Variants in PTPRT observed in about 807,000 individuals in gnomAD.
PTPRT encodes receptor-type tyrosine-protein phosphatase T.
PTPRT carries 56 observed loss-of-function variants against 176.8 expected under a neutral mutation model. The ratio of observed to expected loss-of-function variants is 0.32; its 90% CI spans 0.26 to 0.40. PTPRT has a LOEUF of 0.40. Among genes scored for constraint, PTPRT ranks in the 10% least tolerant of loss-of-function variants. The pLI is 1.00. For missense variants in PTPRT, 1,540 were observed against 1,908.2 expected, an observed-to-expected ratio of 0.81 and a Z score of 3.60; for synonymous variants, 783 against 739.0, an observed-to-expected ratio of 1.06 and a Z score of -0.96.
In PTPRT at chr20:42,508,926, TAATATAATTTATA is replaced by T. The variant is rs1345923724; in HGVS notation, c.1154-36377_1154-36365del. 2.8e-5 allele frequency among the ~76,000 whole-genome samples: 4 copies of T among 144,564 alleles called. No homozygotes were observed. In the East Asian group the frequency reaches 6.0e-4, roughly 22 times the overall value. 94.8% of individuals were successfully genotyped at this position (144,564 alleles called of 152,430 possible). ...AAATAATATAATTTATAAATATAAA[TAATATAATTTATA>T]AATATAATTTATATTTAATTTATAG... is the stretch of plus-strand genomic sequence containing the variant. On this transcript the variant is annotated intron_variant, in intron 7 of 30. Coordinates refer to ENST00000373187, the MANE Select transcript of PTPRT (RefSeq NM_007050.6).
At chr20:43,172,511 T>C (rs2015026802) in intron 1 of PTPRT, among the ~76,000 whole-genome samples, 1 of 152,216 alleles carries the variant, frequency 6.6e-6, no homozygotes, top group Non-Finnish European at 1.5e-5. Context: ...TCCTATGTCC[T>C]AGGAACCATC....
chr20:42,193,953 GGA>G (rs1454986660), intron 16 of PTPRT, among the ~76,000 whole-genome samples: 2 of 152,114 alleles, frequency 1.3e-5, no homozygotes, highest in African/African-American at 2.4e-5. Flanking sequence ...ACTGAAATCA[GGA>G]GAGATGTATT....
At chr20:42,305,202 A>C (rs573759346) in intron 12 of PTPRT, among the ~76,000 whole-genome samples, 1 of 152,040 alleles carries the variant, frequency 6.6e-6, no homozygotes, top group South Asian at 2.1e-4. Flanking sequence ...AAAATACAAA[A>C]ATTAGCCAGG....
chr20:42,633,784 A>AATATATATATAT (rs752371452), intron 7 of PTPRT, among the ~76,000 whole-genome samples: 21 of 53,366 alleles, frequency 3.9e-4, no homozygotes, highest in Admixed American at 1.8e-3. Context: ...AGACTCTGAA[A>AATATATATATAT]ATATATATAT....
intron 12 of PTPRT, among the ~76,000 whole-genome samples, chr20:42,301,232 G>A (rs11696549): frequency 6.6e-6 from 1 of 152,318 alleles, no homozygotes; most frequent in East Asian, 1.9e-4. Flanking sequence ...GTGCCACCTA[G>A]TATGACACAT....
chr20:43,088,333 G>GGGGT (rs1478715742), intron 1 of PTPRT, among the ~76,000 whole-genome samples: 14 of 142,848 alleles, frequency 9.8e-5, no homozygotes, highest in Middle Eastern at 3.6e-3. Flanking sequence ...TTTGCTTTGG[G>GGGGT]GTGTGTGTGT....
intron 13 of PTPRT, among the ~76,000 whole-genome samples, chr20:42,272,744 CACAT>C (rs1187832745): frequency 6.6e-6 from 1 of 151,968 alleles, no homozygotes; most frequent in Non-Finnish European, 1.5e-5. Context: ...CACACACACA[CACAT>C]ACAGTGGGGC....
chr20:42,235,096 A>G (rs2056214023), intron 15 of PTPRT, among the ~76,000 whole-genome samples: 1 of 152,148 alleles, frequency 6.6e-6, no homozygotes, highest in African/African-American at 2.4e-5. Context: ...TCTCTTTCTA[A>G]GGTCCCTACA....
chr20:42,662,988 ATGTG>A (rs2075251750), intron 7 of PTPRT, among the ~76,000 whole-genome samples: 1 of 144,796 alleles, frequency 6.9e-6, no homozygotes, highest in African/African-American at 2.6e-5. Context: ...GTGTGTGTGT[ATGTG>A]TGTGTGTATT....
intron 7 of PTPRT, among the ~76,000 whole-genome samples, chr20:42,558,781 C>A (rs182056970): frequency 6.6e-6 from 1 of 152,144 alleles, no homozygotes; most frequent in Non-Finnish European, 1.5e-5. Flanking sequence ...AATACAGCCA[C>A]GTGCATTTAC....
intron 6 of PTPRT, among the ~76,000 whole-genome samples, chr20:42,746,898 G>A (rs561726907): frequency 1.1e-4 from 16 of 152,234 alleles, no homozygotes; most frequent in African/African-American, 3.6e-4. Context: ...GGGGGAATGG[G>A]TAGAACTCAC....
chr20:42,169,786 AC>A (rs1989997546), intron 16 of PTPRT, among the ~76,000 whole-genome samples: 1 of 137,582 alleles, frequency 7.3e-6, no homozygotes, highest in African/African-American at 2.9e-5. Context: ...ACACACACAC[AC>A]ACACAACAGT....
At chr20:42,323,388 A>C (rs2057832760) in intron 11 of PTPRT, among the ~76,000 whole-genome samples, 1 of 152,190 alleles carries the variant, frequency 6.6e-6, no homozygotes, top group Non-Finnish European at 1.5e-5. Flanking sequence ...AGACTGGATT[A>C]AGAAAATGTG....
At chr20:42,296,677 T>C (rs1426618044) in intron 12 of PTPRT, among the ~76,000 whole-genome samples, 2 of 152,188 alleles carry the variant, frequency 1.3e-5, no homozygotes, top group Non-Finnish European at 2.9e-5. Flanking sequence ...TACTGAAATG[T>C]AGAAGATATT....
Position 42,911,226 on chromosome 20 carries a change from T to C in PTPRT, c.89-25294A>G, listed in dbSNP as rs566650732. Among the ~76,000 whole-genome samples the C allele has an allele frequency of 2.4e-3, 359 of 152,244 alleles. 1 individual carries two copies. The highest frequency in any genetic ancestry group is 5.0e-3 in the South Asian group (24 of 4,826). On this transcript the variant is annotated intron_variant, in intron 1 of 30. Coordinates refer to ENST00000373187, the MANE Select transcript of PTPRT (RefSeq NM_007050.6). ...ATCTTATATGCTTTGTGTGTCTTAG[T>C]ACACACACAGACAGACAAAGACACA... is the stretch of plus-strand genomic sequence containing the variant.
intron 11 of PTPRT, among the ~76,000 whole-genome samples, chr20:42,349,126 T>C (rs2058239500): frequency 1.3e-5 from 2 of 152,114 alleles, no homozygotes; most frequent in Non-Finnish European, 1.5e-5. Flanking sequence ...AGCTAGACCA[T>C]CTCAAAAGCC....
intron 1 of PTPRT, among the ~76,000 whole-genome samples, chr20:43,169,098 T>C (rs2014929427): frequency 6.6e-6 from 1 of 152,186 alleles, no homozygotes; most frequent in African/African-American, 2.4e-5. Flanking sequence ...CCCTCAGTTC[T>C]TGTGCAGCCT....
At chr20:42,781,818 T>A (rs2077219455) in intron 3 of PTPRT, among the ~76,000 whole-genome samples, 1 of 152,250 alleles carries the variant, frequency 6.6e-6, no homozygotes, top group Admixed American at 6.5e-5. Flanking sequence ...ATATTTTCAA[T>A]CTTTATCTTA....
intron 14 of PTPRT, among the ~76,000 whole-genome samples, chr20:42,248,172 T>C (rs548586609): frequency 3.9e-5 from 6 of 152,258 alleles, no homozygotes; most frequent in South Asian, 4.1e-4. Flanking sequence ...GAGCCTGTAA[T>C]AGGACTTGTA....
Sources: gnomAD v4.1 joint callset for allele counts (sites outside exome capture counted in the v4.1 genomes callset) on GRCh38, gnomAD v4.1.1 for gene constraint, MANE v1.5 for transcripts, NCBI Gene and HGNC (gene_info 2026-07-23, HGNC 2026-07-21) for gene names.